MAPK10: variants seen among roughly 807,000 people sequenced by gnomAD.
MAPK10 encodes JNK3 alpha protein kinase.
In MAPK10, 25 loss-of-function variants were observed where a neutral mutation model predicts 59.3. The observed-to-expected ratio is 0.42, with a 90% confidence interval of 0.31 to 0.59. MAPK10 has a LOEUF of 0.59. Among genes scored for constraint, MAPK10 ranks in the 20% least tolerant of loss-of-function variants. MAPK10 has a pLI of 0.15. For synonymous variants in MAPK10, 190 were observed against 200.5 expected, an observed-to-expected ratio of 0.95 and a Z score of 0.44; for missense variants, 351 against 568.9, an observed-to-expected ratio of 0.62 and a Z score of 3.90.
chr4:86,399,364 A>G (rs1378689136), intron 1 of MAPK10, among the ~76,000 whole-genome samples: 1 of 152,090 alleles, frequency 6.6e-6, no homozygotes, highest in Non-Finnish European at 1.5e-5. Context: ...AATGATGTTG[A>G]GCTTATTTTC....
intron 2 of MAPK10, among the ~76,000 whole-genome samples, chr4:86,231,324 G>A (rs2091496826): frequency 6.6e-6 from 1 of 152,048 alleles, no homozygotes; most frequent in African/African-American, 2.4e-5. Flanking sequence ...TGTGCATCCT[G>A]CATTTTTATT....
intron 2 of MAPK10, among the ~76,000 whole-genome samples, chr4:86,201,511 A>G (rs1481261714): frequency 6.6e-6 from 1 of 151,800 alleles, no homozygotes; most frequent in Non-Finnish European, 1.5e-5. Context: ...CTTTTGCTCA[A>G]TGGATAGTGG....
chr4:86,467,460 G>A (rs1227415858), intron 1 of MAPK10, among the ~76,000 whole-genome samples: 1 of 152,194 alleles, frequency 6.6e-6, no homozygotes, highest in Non-Finnish European at 1.5e-5. Context: ...ATCAGGTGAT[G>A]TATAGAGACA....
chr4:86,452,523 A>G (rs979980544), intron 1 of MAPK10, among the ~76,000 whole-genome samples: 7 of 150,430 alleles, frequency 4.7e-5, no homozygotes, highest in South Asian at 2.1e-4. Flanking sequence ...ATGCGCACGC[A>G]CACACACACA....
Position 86,474,789 on chromosome 4 carries a change from A to G in MAPK10, c.-263+119121T>C, listed in dbSNP as rs1361818327. On this transcript the variant is annotated intron_variant, in intron 1 of 4. Coordinates refer to the MAPK10 transcript ENST00000502302. ...AGTGAACTGTCAGGCCTCTGAGCCC[A>G]AGCTAAGCCATCATATCCCCTGTGA... Among the ~76,000 whole-genome samples, 3 of 152,316 alleles carry G rather than the reference A, an allele frequency of 2.0e-5. No homozygotes were observed. The East Asian group carries it at 5.8e-4, about 29-fold the overall frequency.
Position 86,018,352 on chromosome 4 carries a change from T to A in MAPK10, c.1253-982A>T, listed in dbSNP as rs868503197. ...ACATAAGTAGGACTGTTGATGAAAG[T>A]TACAAAAAAAAAAAAAATAGGAGAA... On this transcript the variant is annotated intron_variant, in intron 13 of 13. Transcript: ENST00000641462. 4.9e-4 allele frequency among the ~76,000 whole-genome samples: 55 copies of A among 112,494 alleles called. No individual in the cohort carries two copies. In the Middle Eastern group the frequency reaches 0.02, roughly 41 times the overall value. 73.8% of individuals were successfully genotyped at this position (112,494 alleles called of 152,430 possible).
intron 1 of MAPK10, among the ~76,000 whole-genome samples, chr4:86,440,155 C>T (rs905997738): frequency 2.6e-5 from 4 of 152,136 alleles, no homozygotes; most frequent in Non-Finnish European, 1.5e-5. Flanking sequence ...CTAGGATATA[C>T]TAGCTGAATA....
rs575033402 is a variant in MAPK10, at chr4:86,397,774, C to A, written c.-121-43130G>T. Among the ~76,000 whole-genome samples the A allele has an allele frequency of 2.0e-5, 3 of 149,260 alleles. No individual in the cohort carries two copies. The Admixed American group carries it at 2.0e-4, about 10-fold the overall frequency. On this transcript the variant is annotated intron_variant, in intron 1 of 13. Transcript: ENST00000361569. ...AATCTATTCAAATTTATTCTGATAT[C>A]CAATGATAAGGAAAGATGGAACTAG...
chr4:86,527,312 C>CAAAAAAAA (rs57390422), intron 1 of MAPK10, among the ~76,000 whole-genome samples: 1 of 16,182 alleles, frequency 6.2e-5, no homozygotes, highest in African/African-American at 1.7e-4. Context: ...ACACTGTTGC[C>CAAAAAAAA]AAAAAAAAAA....
At chr4:86,513,392 C>G (rs1388116887) in intron 1 of MAPK10, among the ~76,000 whole-genome samples, 1 of 152,106 alleles carries the variant, frequency 6.6e-6, no homozygotes, top group South Asian at 2.1e-4. Context: ...TGGCATCATC[C>G]CCAGTACAAT....
chr4:86,100,828 A>AT, intron 8 of MAPK10: 1 of 436,016 alleles, frequency 2.3e-6, no homozygotes, highest in Non-Finnish European at 4.2e-6. Flanking sequence ...CTTTTTCACT[A>AT]TTAACATTTA....
chr4:86,067,965 G>A lies in MAPK10; in HGVS notation c.803-10C>T, dbSNP rs377494172. 8 of 1,587,168 alleles carry A rather than the reference G, an allele frequency of 5.0e-6. No individual in the cohort carries two copies. Among genetic ancestry groups the A allele is most frequent in the Non-Finnish European group, 6.9e-6 (8 of 1,164,544 alleles). ...TTCCACTGGTCAATATCTGAGAATTGAACAGTTAAGGGAAAAAAGAAGAGC... is the reference window on the plus strand; with the variant it reads ...TTCCACTGGTCAATATCTGAGAATTAAACAGTTAAGGGAAAAAAGAAGAGC... On this transcript the variant is annotated splice_polypyrimidine_tract_variant and intron_variant, in intron 9 of 13. Coordinates refer to ENST00000641462, the MANE Select transcript of MAPK10 (RefSeq NM_138982.4).
intron 1 of MAPK10, among the ~76,000 whole-genome samples, chr4:86,523,597 T>G (rs957494428): frequency 2.6e-5 from 4 of 152,334 alleles, no homozygotes; most frequent in Admixed American, 6.5e-5. Flanking sequence ...TATACACCAC[T>G]GTTCAAGGGA....
In MAPK10 at chr4:86,029,832, C is replaced by T. The variant is rs143291391; in HGVS notation, c.1175-558G>A. 2.6e-3 allele frequency among the ~76,000 whole-genome samples: 395 copies of T among 151,506 alleles called. 3 individuals are homozygous for T. Among genetic ancestry groups the T allele is most frequent in the Middle Eastern group, 0.014 (4 of 294 alleles). On this transcript the variant is annotated intron_variant, in intron 12 of 13. Coordinates refer to ENST00000641462, the MANE Select transcript of MAPK10 (RefSeq NM_138982.4). Reference sequence around the variant, plus strand: ...CTGCATCTTTTTTTTTTTCCAGACTCATATCTTGGACTTGTAAATCTAAAC... The same window carrying T: ...CTGCATCTTTTTTTTTTTCCAGACTTATATCTTGGACTTGTAAATCTAAAC...
rs1301979447 is a variant in MAPK10 at position 86,507,298 on chromosome 4, G to A, written c.-263+86612C>T. ...AAGTAAAAACAATAATAAAATACCA[G>A]TTCTAAGCTATTAGATTGACCAAAT... On this transcript the variant is annotated intron_variant, in intron 1 of 4. Transcript: ENST00000502302. Among the ~76,000 whole-genome samples the A allele has an allele frequency of 3.9e-5, 6 of 151,942 alleles. No homozygotes were observed. In the East Asian group the frequency reaches 1.2e-3, roughly 30 times the overall value.
chr4:86,233,529 T>C (rs2148668819), intron 2 of MAPK10, among the ~76,000 whole-genome samples: 1 of 152,268 alleles, frequency 6.6e-6, no homozygotes, highest in African/African-American at 2.4e-5. Flanking sequence ...AACCCAGTGG[T>C]GCCAAGCAAG....
intron 1 of MAPK10, among the ~76,000 whole-genome samples, chr4:86,500,245 G>C (rs760514972): frequency 6.6e-5 from 10 of 152,168 alleles, no homozygotes; most frequent in Non-Finnish European, 1.3e-4. Context: ...CACACAATAA[G>C]AATAGTCTGA....
intron 2 of MAPK10, among the ~76,000 whole-genome samples, chr4:86,228,575 T>C (rs2091044129): frequency 6.6e-6 from 1 of 152,240 alleles, no homozygotes; most frequent in Non-Finnish European, 1.5e-5. Context: ...AGACCTAGAC[T>C]GGGAAATTGC....
Position 86,016,854 on chromosome 4 carries a change from T to TCATTAAAAA in MAPK10, c.*373_*374insTTTTTAATG. 2 of 210,214 alleles carry TCATTAAAAA rather than the reference T, an allele frequency of 9.5e-6. No individual in the cohort carries two copies. Among genetic ancestry groups the TCATTAAAAA allele is most frequent in the South Asian group, 7.5e-5 (1 of 13,246 alleles). 13.0% of individuals were successfully genotyped at this position (210,214 alleles called of 1,614,324 possible). ...AAGATAGAGACACACACATGCTGGATGGGGCCACTGCACACCTTGTCATGC... is the reference window on the plus strand; with the variant it reads ...AAGATAGAGACACACACATGCTGGATCATTAAAAAGGGGCCACTGCACACCTTGTCATGC... On this transcript the variant is annotated 3_prime_UTR_variant, in exon 14 of 14. Coordinates refer to ENST00000641462, the MANE Select transcript of MAPK10 (RefSeq NM_138982.4).
Sources: gnomAD v4.1 joint callset for allele counts (sites outside exome capture counted in the v4.1 genomes callset) on GRCh38, gnomAD v4.1.1 for gene constraint, MANE v1.5 for transcripts, NCBI Gene and HGNC (gene_info 2026-07-23, HGNC 2026-07-21) for gene names.